MYCBP2: variants seen among roughly 807,000 people sequenced by gnomAD.
MYCBP2 encodes the protein MYC binding protein 2, also known as E3 ubiquitin-protein ligase MYCBP2.
In MYCBP2, 120 loss-of-function variants were observed where a neutral mutation model predicts 525.3. The observed-to-expected ratio is 0.23, with a 90% CI of 0.20 to 0.27. MYCBP2 has a LOEUF of 0.27. Ranked by LOEUF, MYCBP2 falls within the 10% of genes least tolerant of loss-of-function variation. MYCBP2 has a pLI of 1.00. For missense variants in MYCBP2, 4,149 were observed against 5,657.1 expected, an observed-to-expected ratio of 0.73 and a Z score of 8.55; for synonymous variants, 1,894 against 1,955.8, an observed-to-expected ratio of 0.97 and a Z score of 0.83.
intron 24 of MYCBP2, among the ~76,000 whole-genome samples, chr13:77,206,260 T>C (rs2063323953): frequency 6.6e-6 from 1 of 151,390 alleles, no homozygotes. Flanking sequence ...TGGAAAACTG[T>C]GTTATATAAG....
At chr13:77,325,592 T>C (rs1231197638) in intron 1 of MYCBP2, among the ~76,000 whole-genome samples, 1 of 152,228 alleles carries the variant, frequency 6.6e-6, no homozygotes, top group Admixed American at 6.5e-5. Context: ...ATCTACGCGC[T>C]ATTCAGATTT....
chr13:77,252,906 A>G (rs1338846278), intron 14 of MYCBP2, among the ~76,000 whole-genome samples: 2 of 152,116 alleles, frequency 1.3e-5, no homozygotes, highest in Non-Finnish European at 2.9e-5. Context: ...TCATTCCAAT[A>G]CTGGAACTAT....
intron 1 of MYCBP2, among the ~76,000 whole-genome samples, chr13:77,297,908 CA>C (rs960009453): frequency 2.6e-5 from 4 of 152,194 alleles, no homozygotes; most frequent in Non-Finnish European, 4.4e-5. Flanking sequence ...TGGACCACTG[CA>C]AAAGCTTAAC....
In MYCBP2 at chr13:77,098,772, G is replaced by A. The variant is rs918458433; in HGVS notation, c.8382C>T (p.Thr2794=). The A allele has an allele frequency of 3.7e-6, 6 of 1,613,508 alleles. No individual in the cohort carries two copies. The highest frequency in any genetic ancestry group is 5.1e-6 in the Non-Finnish European group (6 of 1,179,746). Residue 2794 remains threonine, a synonymous_variant, in exon 56 of 83, where the codon ACC becomes ACT. Transcript: ENST00000544440. ...TCCCATCAGATTTCAATGTCTGCAA[G>A]GTGTTATGGTTGGGGGATAATGACC... The part of the protein sequence containing the change: ...HSRSLSPNHN[T]LQTLKSDGRM...
At chr13:77,159,820 G>C (rs1170883998) in intron 44 of MYCBP2, among the ~76,000 whole-genome samples, 1 of 152,054 alleles carries the variant, frequency 6.6e-6, no homozygotes, top group Non-Finnish European at 1.5e-5. Context: ...CTTTATAGCA[G>C]TGTGAAAATG....
intron 1 of MYCBP2, among the ~76,000 whole-genome samples, chr13:77,301,684 G>A (rs1363822113): frequency 6.6e-6 from 1 of 152,032 alleles, no homozygotes; most frequent in African/African-American, 2.4e-5. Context: ...ACACATTAAG[G>A]GACATCAAAA....
At chr13:77,277,117 G>A (rs892450760) in intron 4 of MYCBP2, among the ~76,000 whole-genome samples, 2 of 152,094 alleles carry the variant, frequency 1.3e-5, no homozygotes, top group African/African-American at 4.8e-5. Flanking sequence ...ACATGAGAAT[G>A]GTAGAAGACT....
chr13:77,164,296 T>C (rs1180466318), intron 43 of MYCBP2, among the ~76,000 whole-genome samples, 158 bp downstream of exon 43: 1 of 152,202 alleles, frequency 6.6e-6, no homozygotes, highest in Non-Finnish European at 1.5e-5. Context: ...CCCTTCAGTC[T>C]CTAAACAAAC....
chr13:77,048,455 G>A (rs2036045153), intron 82 of MYCBP2, among the ~76,000 whole-genome samples: 1 of 152,178 alleles, frequency 6.6e-6, no homozygotes, highest in Non-Finnish European at 1.5e-5. Context: ...TTAGAGAATT[G>A]CTTCTTCTGT....
chr13:77,253,803 T>C (rs990079514), intron 14 of MYCBP2, among the ~76,000 whole-genome samples: 2 of 152,032 alleles, frequency 1.3e-5, no homozygotes, highest in Admixed American at 6.6e-5. Context: ...ATATCAGATG[T>C]GATGTGGAAA....
chr13:77,294,345 A>C lies in MYCBP2; in HGVS notation c.378+2254T>G, dbSNP rs540053624. Among the ~76,000 whole-genome samples the C allele has an allele frequency of 2.0e-5, 3 of 151,900 alleles. No homozygotes were observed. The South Asian group carries it at 6.2e-4, about 32-fold the overall frequency. On this transcript the variant is annotated intron_variant, in intron 2 of 82. Transcript: ENST00000544440. The stretch of plus-strand genomic sequence containing the variant: ...TGCCTCTTACTCATCTTTGTATCCC[A>C]AACATCCAGCATAATGCCTGCACAT...
At position 77,185,042 on chromosome 13, in the gene MYCBP2, T is replaced by C. The variant is rs374370943; in HGVS notation, c.4719+61A>G. The C allele has an allele frequency of 4.3e-4, 615 of 1,439,774 alleles. 6 individuals carry two copies. The South Asian group carries it at 7.5e-3, about 18-fold the overall frequency. 89.2% of individuals were successfully genotyped at this position (1,439,774 alleles called of 1,614,324 possible). On this transcript the variant is annotated intron_variant, in intron 32 of 82. Transcript: ENST00000544440. ...AAGATATGGCAACTGCAATTTATTTTCTTGAAGAGTATTAAGCAATATATC... is the reference window on the plus strand; with the variant it reads ...AAGATATGGCAACTGCAATTTATTTCCTTGAAGAGTATTAAGCAATATATC...
chr13:77,218,003 A>T (rs2065057034), intron 20 of MYCBP2, 46 bp from the exon 21 acceptor site: 1 of 1,327,122 alleles, frequency 7.5e-7, no homozygotes, highest in African/African-American at 1.5e-5. Context: ...ACAAAACTCA[A>T]CTAAAATAAA....
chr13:77,261,600 G>A (rs775607798), intron 11 of MYCBP2, among the ~76,000 whole-genome samples: 10 of 151,906 alleles, frequency 6.6e-5, no homozygotes, highest in Non-Finnish European at 1.3e-4. Flanking sequence ...TATCCATTAA[G>A]TTTCCTGTCT....
chr13:77,062,873 G>A (rs941724660), intron 73 of MYCBP2, among the ~76,000 whole-genome samples, 176 bp from the exon 74 acceptor site: 2 of 152,210 alleles, frequency 1.3e-5, no homozygotes, highest in African/African-American at 4.8e-5. Flanking sequence ...ACTGTCCTAT[G>A]TGCCATGCAC....
chr13:77,085,026 T>C (rs941990491), intron 62 of MYCBP2, among the ~76,000 whole-genome samples: 11 of 152,162 alleles, frequency 7.2e-5, no homozygotes, highest in African/African-American at 2.6e-4. Flanking sequence ...TCAGAGCCTA[T>C]GAACAATTGT....
chr13:77,315,860 A>C (rs1201173136), intron 1 of MYCBP2, among the ~76,000 whole-genome samples: 2 of 148,078 alleles, frequency 1.4e-5, no homozygotes, highest in Non-Finnish European at 3.0e-5. Flanking sequence ...ATGCCACTGC[A>C]CTCCAGCCTG....
At chr13:77,182,527 G>A (rs981474669) in intron 32 of MYCBP2, among the ~76,000 whole-genome samples, 2 of 152,170 alleles carry the variant, frequency 1.3e-5, no homozygotes, top group Non-Finnish European at 2.9e-5. Context: ...AAGCATAAAA[G>A]CAGAGTAACA....
At chr13:77,225,297 A>C in intron 19 of MYCBP2, 138 bp downstream of exon 19, 1 of 1,040,498 alleles carries the variant, frequency 9.6e-7, no homozygotes, top group Admixed American at 2.6e-5. Flanking sequence ...ATAAATACAA[A>C]GGTCTTACAG....
Sources: gnomAD v4.1 joint callset for allele counts (sites outside exome capture counted in the v4.1 genomes callset) on GRCh38, gnomAD v4.1.1 for gene constraint, MANE v1.5 for transcripts, NCBI Gene and HGNC (gene_info 2026-07-23, HGNC 2026-07-21) for gene names.